MYH8: variants seen among roughly 807,000 people sequenced by gnomAD.
MYH8 encodes myosin-8.
Under a neutral mutation model 233.2 loss-of-function variants are expected in MYH8, and 168 were observed. The observed-to-expected ratio is 0.72, with a 90% CI of 0.64 to 0.82. The LOEUF (loss-of-function observed/expected upper bound fraction) is 0.82, where lower values mean the gene tolerates loss of function less well. MYH8 is among the 40% of genes least tolerant of loss of function. The pLI, the probability that MYH8 is intolerant of heterozygous loss-of-function variation, is 0.00. For missense variants in MYH8, 1,995 were observed against 2,327.8 expected (o/e 0.86, Z 2.94); for synonymous variants, 785 against 850.6 (o/e 0.92, Z 1.34).
intron 39 of MYH8, among the ~76,000 whole-genome samples, chr17:10,391,121 C>T (rs2072018443): frequency 6.6e-6 from 1 of 152,144 alleles, no homozygotes; most frequent in Admixed American, 6.5e-5. Context: ...GGTATAGGTA[C>T]AGAATCTTCT....
At position 10,406,036 on chromosome 17, in the gene MYH8, G is replaced by T. The variant is rs1185762529; in HGVS notation, c.2432+5C>A. 6.2e-7 allele frequency: 1 copy of T among 1,613,562 alleles called. No individual in the cohort carries two copies. The highest frequency in any genetic ancestry group is 1.1e-5 in the South Asian group (1 of 91,070). On this transcript the variant is annotated splice_donor_5th_base_variant and intron_variant, in intron 21 of 39. Coordinates refer to ENST00000403437, the MANE Select transcript of MYH8 (RefSeq NM_002472.3). ...TATAATTCTGATATTCTGAATGATT[G>T]TTACCTCCTTTGCAACATCTTCTGA... is the stretch of plus-strand genomic sequence containing the variant.
intron 12 of MYH8, among the ~76,000 whole-genome samples, chr17:10,413,375 G>C (rs148780274): frequency 2.0e-5 from 3 of 152,106 alleles, no homozygotes; most frequent in African/African-American, 7.2e-5. Flanking sequence ...TGTATATTGC[G>C]TGCTCTTTCC....
At chr17:10,420,392 C>T in intron 2 of MYH8, 135 bp from the exon 3 acceptor site, 1 of 773,062 alleles carries the variant, frequency 1.3e-6, no homozygotes, top group Non-Finnish European at 2.2e-6. Context: ...CCCCAGTGTT[C>T]TAACATAGTC....
At position 10,409,660 on chromosome 17, in the gene MYH8, T is replaced by C. The variant is rs1325886037; in HGVS notation, c.1588-72A>G. On this transcript the variant is annotated intron_variant, in intron 15 of 39. Coordinates refer to ENST00000403437, the MANE Select transcript of MYH8 (RefSeq NM_002472.3). ...AGATAGAGACATGGTGGCTGTCATT[T>C]GATTGAATTATGAGCACCCCAATTA... 2.5e-6 allele frequency: 4 copies of C among 1,583,464 alleles called. No individual in the cohort carries two copies. The Admixed American group carries it at 6.8e-5, about 27-fold the overall frequency.
intron 38 of MYH8, among the ~76,000 whole-genome samples, chr17:10,392,300 T>C (rs1170927618): frequency 6.8e-6 from 1 of 146,766 alleles, no homozygotes; most frequent in Non-Finnish European, 1.5e-5. Context: ...CTAGGACTAA[T>C]ACCCAGTTAA....
In MYH8 at chr17:10,416,743, A is replaced by G. The variant is rs187571170; in HGVS notation, c.512-1035T>C. Among the ~76,000 whole-genome samples, 256 of 152,314 alleles carry G rather than the reference A, an allele frequency of 1.7e-3. 2 individuals are homozygous for G. Among genetic ancestry groups the G allele is most frequent in the African/African-American group, 5.8e-3 (240 of 41,590 alleles). On this transcript the variant is annotated intron_variant, in intron 5 of 39. Coordinates refer to ENST00000403437, the MANE Select transcript of MYH8 (RefSeq NM_002472.3). ...AGAGACAATAATATAATGAATCCCC[A>G]TGTGCCCATCATACAGATGCAATGG...
At chr17:10,413,325 A>G (rs905999566) in intron 12 of MYH8, among the ~76,000 whole-genome samples, 1 of 152,230 alleles carries the variant, frequency 6.6e-6, no homozygotes, top group Non-Finnish European at 1.5e-5. Flanking sequence ...TGGTCAGGAA[A>G]GGCTTTAAGG....
chr17:10,406,923 C>T lies in MYH8; in HGVS notation c.2022G>A (p.Arg674=). ...TTTTGGTTTCATTGGGAATGATACA[C>T]CGTACGAAGTGAGGGTGTGTGCTCC... The part of the protein sequence containing the change: ...NLRSTHPHFV[R]CIIPNETKTP... The change falls in exon 18 of 40, where the codon CGG becomes CGA. Residue 674 remains arginine, a synonymous_variant. Coordinates refer to ENST00000403437, the MANE Select transcript of MYH8 (RefSeq NM_002472.3). 1 of 1,613,920 alleles carries T rather than the reference C, an allele frequency of 6.2e-7. No individual in the cohort carries two copies. Among genetic ancestry groups the T allele is most frequent in the East Asian group, 2.2e-5 (1 of 44,766 alleles).
chr17:10,418,528 T>C, intron 5 of MYH8, 117 bp downstream of exon 5: 1 of 1,585,100 alleles, frequency 6.3e-7, no homozygotes, highest in Middle Eastern at 2.3e-4. Flanking sequence ...TTGAAAACAG[T>C]GAAGCCCCAT....
chr17:10,401,104 G>T lies in MYH8; in HGVS notation c.3196C>A (p.Gln1066Lys). The T allele has an allele frequency of 6.2e-7, 1 of 1,613,992 alleles. No homozygotes were observed. The highest frequency in any genetic ancestry group is 8.5e-7 in the Non-Finnish European group (1 of 1,179,992). The change falls in exon 25 of 40, where the codon CAA (glutamine) becomes AAA (lysine). Residue 1066 changes from glutamine (Q) to lysine (K), a missense_variant. Gln to Lys is a moderately conservative substitution (Grantham distance 53, BLOSUM62 1). Around this residue, in one of 3 missense-constraint regions of MYH8, gnomAD observed 1,498 missense variants for 1,680.9 expected, o/e 0.89. Transcript: ENST00000403437. ...TTTTCCATATCCATTGTGGATTCTT[G>T]GGCCAATTTGAGGTCACCCTCCAGT... ...RKLEGDLKLAQESTMDMENDK... is the reference protein window; with the variant it reads ...RKLEGDLKLAKESTMDMENDK...
intron 38 of MYH8, 29 bp downstream of exon 38, chr17:10,392,513 T>C: frequency 4.4e-6 from 7 of 1,579,244 alleles, no homozygotes; most frequent in Non-Finnish European, 6.1e-6. Flanking sequence ...GCAGGAAGAG[T>C]GGATATTCTG....
In MYH8 at chr17:10,415,735, TA is replaced by T. The variant is rs369717750; in HGVS notation, c.512-28del. 2 of 1,606,718 alleles carry T rather than the reference TA, an allele frequency of 1.2e-6. No homozygotes were observed. Among genetic ancestry groups the T allele is most frequent in the Non-Finnish European group, 8.5e-7 (1 of 1,174,886 alleles). ...TGTGAAAGAATTCAAAATCATCCGT[TA>T]AAAAATGCATATTTAATATGAAGAG... On this transcript the variant is annotated intron_variant, in intron 5 of 39. Coordinates refer to ENST00000403437, the MANE Select transcript of MYH8 (RefSeq NM_002472.3). The surrounding 1 kb of genome is among the most constrained non-coding windows in gnomAD (Gnocchi z 4.1).
At chr17:10,397,653 G>GT (rs1355265796) in intron 30 of MYH8, among the ~76,000 whole-genome samples, 1 of 152,154 alleles carries the variant, frequency 6.6e-6, no homozygotes, top group Non-Finnish European at 1.5e-5. Context: ...CAATCTTGTT[G>GT]TTTGACTTAT....
In MYH8 at chr17:10,414,004, T is replaced by C; in HGVS notation, c.1045A>G (p.Lys349Glu). 6.2e-7 allele frequency: 1 copy of C among 1,614,100 alleles called. No individual in the cohort carries two copies. ...CCTGTGAGTTTATAGATGGACACTT[T>C]CTCTTCAGGAGTGAAGCCCAGGATG... ...IDILGFTPEE[K>E]VSIYKLTGAV... Residue 349 changes from lysine (K) to glutamate (E), a missense_variant, in exon 12 of 40, where the codon AAA (lysine) becomes GAA (glutamate). Transcript: ENST00000403437.
intron 14 of MYH8, 76 bp from the exon 15 acceptor site, chr17:10,411,023 T>C: frequency 1.2e-6 from 2 of 1,608,688 alleles, no homozygotes; most frequent in Non-Finnish European, 1.7e-6. Flanking sequence ...AAAATTCTTT[T>C]ATTGAAAAAA....
In MYH8 at chr17:10,396,279, A is replaced by G. The variant is rs1280990485; in HGVS notation, c.4653+51T>C. 5 of 1,604,026 alleles carry G rather than the reference A, an allele frequency of 3.1e-6. No individual in the cohort carries two copies. In the Admixed American group the frequency reaches 6.7e-5, roughly 22 times the overall value. On this transcript the variant is annotated intron_variant, in intron 33 of 39. Coordinates refer to ENST00000403437, the MANE Select transcript of MYH8 (RefSeq NM_002472.3). The surrounding 1 kb of genome is among the most constrained non-coding windows in gnomAD (Gnocchi z 4.2). The stretch of plus-strand genomic sequence containing the variant: ...ATTATCACTAGCCCCACTTTTTTTT[A>G]ACTGATGTTTGTCTTTGTTTTTCCA...
intron 17 of MYH8, among the ~76,000 whole-genome samples, chr17:10,407,232 A>G (rs1169901583): frequency 6.6e-6 from 1 of 152,194 alleles, no homozygotes; most frequent in Non-Finnish European, 1.5e-5. Flanking sequence ...ACAAATTGCA[A>G]TTCAGTAACC....
rs1367226499 is a variant in MYH8, at chr17:10,400,523, T to C, written c.3602A>G (p.Asp1201Gly). ...MVAALRKKHADSMAELGEQID... is the reference protein window; with the variant it reads ...MVAALRKKHAGSMAELGEQID... Reference sequence around the variant, plus strand: ...CTGCTCCCCAAGCTCAGCCATACTGTCTGCGTGCTTCTTCCGAAGAGCAGC... The same window carrying C: ...CTGCTCCCCAAGCTCAGCCATACTGCCTGCGTGCTTCTTCCGAAGAGCAGC... Residue 1201 changes from aspartate to glycine, a missense_variant, in exon 27 of 40, where the codon GAC (aspartate) becomes GGC (glycine). Physicochemically the swap from Asp to Gly is moderately conservative, Grantham distance 94 (BLOSUM62 -1). Coordinates refer to ENST00000403437, the MANE Select transcript of MYH8 (RefSeq NM_002472.3). This position sits in a 1 kb window ranked among gnomAD's most constrained non-coding sequence, Gnocchi z 4.0. 4.3e-6 allele frequency: 7 copies of C among 1,614,040 alleles called. No homozygotes were observed. In the Admixed American group the frequency reaches 8.3e-5, roughly 19 times the overall value.
chr17:10,394,188 G>C lies in MYH8; in HGVS notation c.5166+61C>G. 3.1e-6 allele frequency: 5 copies of C among 1,600,882 alleles called. No individual in the cohort carries two copies. In the South Asian group the frequency reaches 5.5e-5, roughly 18 times the overall value. On this transcript the variant is annotated intron_variant, in intron 35 of 39. Transcript: ENST00000403437. Reference sequence around the variant, plus strand: ...ATTTATACAAATTGAGTACTTTCATGTTATAATTCGAATGCATCAGCTACC... The same window carrying C: ...ATTTATACAAATTGAGTACTTTCATCTTATAATTCGAATGCATCAGCTACC...
Sources: allele counts gnomAD v4.1 joint callset (sites outside exome capture counted in the v4.1 genomes callset), GRCh38; gene constraint gnomAD v4.1.1; regional missense constraint gnomAD v4.1.1; non-coding constraint Gnocchi (gnomAD v3.1); transcripts MANE v1.5; gene names NCBI Gene and HGNC (gene_info 2026-07-23, HGNC 2026-07-21).